Variants in CPZ observed in about 807,000 individuals in gnomAD.
CPZ encodes the protein VEZT/CPZ fusion.
A neutral mutation model predicts 61.8 loss-of-function variants in CPZ; 103 were observed. That is an observed-to-expected ratio of 1.67 (90% CI 1.42 to 1.96). The LOEUF (loss-of-function observed/expected upper bound fraction) is 1.96. Ranked by LOEUF, CPZ falls within the 30% of genes most tolerant of loss-of-function variation. The pLI is 0.00. For synonymous variants in CPZ, 551 were observed against 373.7 expected (o/e 1.47, Z -5.47); for missense variants, 1,461 against 914.9 (o/e 1.60, Z -7.70).
chr4:8,601,671 C>T (rs917591021), intron 3 of CPZ, among the ~76,000 whole-genome samples, 174 bp downstream of exon 3: 2 of 152,176 alleles, frequency 1.3e-5, no homozygotes, highest in African/African-American at 2.4e-5. Context: ...GGGTGCCAGG[C>T]AGGGTCGGGG....
At position 8,618,086 on chromosome 4, in the gene CPZ, T is replaced by G. The variant is rs1281072689; in HGVS notation, c.1504-343T>G. On this transcript the variant is annotated intron_variant, in intron 9 of 10. Coordinates refer to ENST00000360986, the MANE Select transcript of CPZ (RefSeq NM_001014447.3). Reference sequence around the variant, plus strand: ...GGGACCCAGGGAGTCCCGCTGGGGCTGGGAAGGCAGGGAAGGAATGCCGAT... The same window carrying G: ...GGGACCCAGGGAGTCCCGCTGGGGCGGGGAAGGCAGGGAAGGAATGCCGAT... The G allele has an allele frequency of 9.5e-6, 3 of 314,220 alleles. No homozygotes were observed. The Admixed American group carries it at 1.4e-4, about 15-fold the overall frequency. 19.5% of individuals were successfully genotyped at this position (314,220 alleles called of 1,614,324 possible). A position where few individuals can be genotyped will look rare whatever the true frequency, so the allele number is the denominator to read the frequency against.
At chr4:8,618,369 G>A (rs1716381876) in intron 9 of CPZ, 60 bp from the exon 10 acceptor site, 6 of 1,530,344 alleles carry the variant, frequency 3.9e-6, no homozygotes, top group Non-Finnish European at 2.7e-6. Context: ...CGAGCTGACG[G>A]CCTCCACGCT....
chr4:8,605,947 C>T (rs368587083), intron 4 of CPZ, 42 bp from the exon 5 acceptor site: 241 of 1,584,640 alleles, frequency 1.5e-4, no homozygotes, highest in Middle Eastern at 3.4e-4. Context: ...TGGGGACCCC[C>T]GGCTTTGAGA....
chr4:8,618,301 GT>G, intron 9 of CPZ, 127 bp from the exon 10 acceptor site: 1 of 768,096 alleles, frequency 1.3e-6, no homozygotes, highest in Non-Finnish European at 2.2e-6. Context: ...GGCTGGCAGA[GT>G]GGGGCTCTGT....
intron 10 of CPZ, 50 bp from the exon 11 acceptor site, chr4:8,619,212 G>T: frequency 6.7e-7 from 1 of 1,499,098 alleles, no homozygotes; most frequent in Non-Finnish European, 9.0e-7. Flanking sequence ...TCACCCCGTG[G>T]CTGGGTCTGC....
chr4:8,610,917 C>G (rs150077915), intron 7 of CPZ, among the ~76,000 whole-genome samples: 1 of 152,192 alleles, frequency 6.6e-6, no homozygotes, highest in Non-Finnish European at 1.5e-5. Context: ...TCTGGGAGTC[C>G]GAGTCTCATG....
At chr4:8,618,990 G>A (rs1008293697) in intron 10 of CPZ, among the ~76,000 whole-genome samples, 4 of 152,110 alleles carry the variant, frequency 2.6e-5, no homozygotes, top group Non-Finnish European at 5.9e-5. Context: ...AGAGAAGAGG[G>A]GGACTTTTGC....
intron 7 of CPZ, among the ~76,000 whole-genome samples, chr4:8,609,640 T>TGGCAG (rs1398706930): frequency 5.9e-5 from 9 of 151,384 alleles, no homozygotes; most frequent in East Asian, 5.8e-4. Flanking sequence ...GCCTCAGAGC[T>TGGCAG]GGCAGGGCAG....
At chr4:8,600,880 G>T (rs1714524268) in intron 2 of CPZ, 2 of 1,244,016 alleles carry the variant, frequency 1.6e-6, no homozygotes, top group Admixed American at 8.1e-5. Flanking sequence ...CGAGGCTCAG[G>T]GCAGCCTGCT....
At chr4:8,618,287 CGAGGGCTGGCAGAGT>C (rs1467775986) in intron 9 of CPZ, 127 bp from the exon 10 acceptor site, 2 of 682,664 alleles carry the variant, frequency 2.9e-6, no homozygotes, top group African/African-American at 3.6e-5. Context: ...GATGGCAGAG[CGAGGGCTGGCAGAGT>C]GGGGCTCTGT....
chr4:8,598,840 C>T (rs955856096), intron 1 of CPZ, among the ~76,000 whole-genome samples: 8 of 152,170 alleles, frequency 5.3e-5, no homozygotes, highest in Admixed American at 2.6e-4. Context: ...CGAAACCCCA[C>T]GATTGTGAGG....
Position 8,592,897 on chromosome 4 carries a change from T to C in CPZ, c.64T>C (p.Cys22Arg). The change falls in exon 1 of 11, where the codon TGC becomes CGC. Residue 22 changes from cysteine (C) to arginine (R), a missense_variant. Physicochemically the swap from Cys to Arg is radical, Grantham distance 180 (BLOSUM62 -3). Transcript: ENST00000360986. ...VLVVAAARPGCEFERNPAGEC... is the reference protein window; with the variant it reads ...VLVVAAARPGREFERNPAGEC... The stretch of plus-strand genomic sequence containing the variant: ...GGTCGTCGCCGCTGCCCGGCCGGGG[T>C]GCGAGTTTGAGCGGAACCCCGCCGG... 1 of 1,534,184 alleles carries C rather than the reference T, an allele frequency of 6.5e-7. No homozygotes were observed.
chr4:8,614,120 G>C (rs1053632901), intron 8 of CPZ, among the ~76,000 whole-genome samples: 4 of 152,222 alleles, frequency 2.6e-5, no homozygotes, highest in Non-Finnish European at 5.9e-5. Flanking sequence ...GCAAAGTGGG[G>C]ATCATATGGT....
chr4:8,595,464 A>G (rs1208021411), intron 1 of CPZ, among the ~76,000 whole-genome samples: 1 of 152,226 alleles, frequency 6.6e-6, no homozygotes, highest in African/African-American at 2.4e-5. Flanking sequence ...TGGGAGAGGC[A>G]GAGGGTGGGC....
chr4:8,614,190 T>C (rs1003170707), intron 8 of CPZ, among the ~76,000 whole-genome samples, 169 bp from the exon 9 acceptor site: 3 of 152,186 alleles, frequency 2.0e-5, no homozygotes, highest in African/African-American at 7.2e-5. Context: ...GAGTACCTGC[T>C]GCACTCACCT....
intron 4 of CPZ, among the ~76,000 whole-genome samples, chr4:8,604,594 G>T (rs1274899444): frequency 6.6e-6 from 1 of 152,172 alleles, no homozygotes; most frequent in African/African-American, 2.4e-5. Flanking sequence ...CAATTCTCCT[G>T]CCTCAGCCTC....
intron 7 of CPZ, among the ~76,000 whole-genome samples, chr4:8,609,056 C>CCAT (rs1560297681): frequency 4.7e-5 from 4 of 84,642 alleles, no homozygotes; most frequent in African/African-American, 6.5e-5. Flanking sequence ...CCCTCCCTCC[C>CCAT]TCACTCCCTC....
chr4:8,607,021 A>C (rs1715094250), intron 6 of CPZ, 123 bp downstream of exon 6: 6 of 1,210,468 alleles, frequency 5.0e-6, no homozygotes, highest in Non-Finnish European at 6.8e-6. Context: ...TCCCTGCCTC[A>C]GTTACCTGTC....
intron 9 of CPZ, among the ~76,000 whole-genome samples, chr4:8,616,749 T>C (rs1362077126): frequency 1.3e-5 from 2 of 152,222 alleles, no homozygotes; most frequent in African/African-American, 4.8e-5. Flanking sequence ...TCATCACCTC[T>C]CATGCAGGAA....
Sources: gnomAD v4.1 joint callset for allele counts (sites outside exome capture counted in the v4.1 genomes callset) on GRCh38, gnomAD v4.1.1 for gene constraint, MANE v1.5 for transcripts, NCBI Gene and HGNC (gene_info 2026-07-23, HGNC 2026-07-21) for gene names.